Variants in RNF216 observed in about 807,000 individuals in gnomAD.
The protein encoded by RNF216 is ring finger protein 216.
In RNF216, 72 loss-of-function variants were observed where a neutral mutation model predicts 110.8. That is an observed-to-expected ratio of 0.65 (90% confidence interval 0.54 to 0.79). The LOEUF (loss-of-function observed/expected upper bound fraction) is 0.79, where lower values mean the gene tolerates loss of function less well. Ranked by LOEUF, RNF216 falls within the 30% of genes least tolerant of loss-of-function variation. The pLI is 0.00. For missense variants in RNF216, 1,342 were observed against 1,141.2 expected (o/e 1.18, Z -2.54); for synonymous variants, 495 against 407.5 (o/e 1.21, Z -2.59).
At chr7:5,723,390 T>C (rs1793555900) in intron 8 of RNF216, among the ~76,000 whole-genome samples, 1 of 152,182 alleles carries the variant, frequency 6.6e-6, no homozygotes, top group African/African-American at 2.4e-5. Context: ...GGCTCAAGCC[T>C]GTAATCTCGC....
chr7:5,739,686 C>T (rs1003454463), intron 4 of RNF216: 1 of 468,088 alleles, frequency 2.1e-6, no homozygotes, highest in Non-Finnish European at 4.3e-6. Flanking sequence ...TCAAGCAGCA[C>T]ACAACCTAGT....
At chr7:5,714,063 T>C (rs1792887598) in intron 11 of RNF216, among the ~76,000 whole-genome samples, 1 of 151,980 alleles carries the variant, frequency 6.6e-6, no homozygotes, top group South Asian at 2.1e-4. Context: ...AGTGCAGTGG[T>C]GCGATCTCAG....
intron 2 of RNF216, 63 bp downstream of exon 2, chr7:5,760,940 A>G: frequency 8.0e-7 from 1 of 1,243,108 alleles, no homozygotes; most frequent in Non-Finnish European, 1.2e-6. Flanking sequence ...TTCAAAAGAT[A>G]CAGCTGTGAT....
Position 5,741,461 on chromosome 7 carries a change from G to C in RNF216, c.556C>G (p.Leu186Val), listed in dbSNP as rs778427445. ...QKVIILEEGS[L>V]LYTESDPLET... ...AAAGGATCGCTTTCTGTGTAAAGAA[G>C]GCTACCTTCTTCCAAGATGATGACT... is the stretch of plus-strand genomic sequence containing the variant. The change falls in exon 4 of 17, where the codon CTT (leucine) becomes GTT (valine). Residue 186 changes from leucine (L) to valine (V), a missense_variant. Coordinates refer to ENST00000389902, the MANE Select transcript of RNF216 (RefSeq NM_207111.4). 9.9e-6 allele frequency: 16 copies of C among 1,614,072 alleles called. No individual in the cohort carries two copies. In the Admixed American group the frequency reaches 2.7e-4, roughly 27 times the overall value.
At chr7:5,709,858 G>C (rs187321602) in intron 13 of RNF216, among the ~76,000 whole-genome samples, 1 of 152,302 alleles carries the variant, frequency 6.6e-6, no homozygotes, top group Non-Finnish European at 1.5e-5. Context: ...GGGCTCAACT[G>C]ATTGTCCTGC....
At chr7:5,759,710 C>G (rs1488111740) in intron 2 of RNF216, among the ~76,000 whole-genome samples, 1 of 149,458 alleles carries the variant, frequency 6.7e-6, no homozygotes, top group Non-Finnish European at 1.5e-5. Flanking sequence ...CAGCTCACTA[C>G]AACCTCTGCC....
At chr7:5,774,510 A>G (rs1475436347) in intron 1 of RNF216, among the ~76,000 whole-genome samples, 2 of 152,258 alleles carry the variant, frequency 1.3e-5, no homozygotes, top group African/African-American at 4.8e-5. Flanking sequence ...ATGAAGTTTT[A>G]GCACAGTGCC....
chr7:5,644,827 CTTTTT>C (rs59440013), intron 14 of RNF216, among the ~76,000 whole-genome samples: 3 of 135,940 alleles, frequency 2.2e-5, no homozygotes, highest in African/African-American at 8.4e-5. Context: ...TTCTTTTTTT[CTTTTT>C]TTTTTTTTTT....
intron 13 of RNF216, among the ~76,000 whole-genome samples, chr7:5,704,972 C>G (rs764452328): frequency 5.9e-5 from 9 of 152,172 alleles, no homozygotes; most frequent in Non-Finnish European, 7.3e-5. Context: ...CACTGCAAAA[C>G]GTTGCTGAGG....
At chr7:5,701,029 A>C (rs1791933079) in intron 13 of RNF216, among the ~76,000 whole-genome samples, 1 of 152,096 alleles carries the variant, frequency 6.6e-6, no homozygotes, top group South Asian at 2.1e-4. Flanking sequence ...AGGAGTAAGA[A>C]ATCAACATGA....
chr7:5,700,364 G>A (rs1791886035), intron 13 of RNF216, among the ~76,000 whole-genome samples: 1 of 152,110 alleles, frequency 6.6e-6, no homozygotes, highest in Admixed American at 6.6e-5. Flanking sequence ...CAAAAAGGAG[G>A]TAAAACATTT....
rs1035922269 is a variant in RNF216 at position 5,769,406 on chromosome 7, G to A, written c.-69-8268C>T. 3.1e-4 allele frequency among the ~76,000 whole-genome samples: 46 copies of A among 148,036 alleles called. 1 individual carries two copies. The highest frequency in any genetic ancestry group is 8.1e-4 in the Admixed American group (12 of 14,780). On this transcript the variant is annotated intron_variant, in intron 1 of 16. Transcript: ENST00000389902. ...GTTGGGATTACAGGCGTGAGCCACC[G>A]CGCCTGGCCGCAAATGCCTTATTTT...
chr7:5,660,848 A>G (rs1337002933), intron 13 of RNF216, among the ~76,000 whole-genome samples: 1 of 146,010 alleles, frequency 6.8e-6, no homozygotes, highest in Non-Finnish European at 1.5e-5. Context: ...GGGATTACTG[A>G]TGTGAGCCAC....
intron 1 of RNF216, among the ~76,000 whole-genome samples, chr7:5,771,431 C>T (rs569852374): frequency 6.6e-6 from 1 of 152,150 alleles, no homozygotes; most frequent in Non-Finnish European, 1.5e-5. Flanking sequence ...TGTCTACTCA[C>T]CAAAGAAATT....
chr7:5,657,939 A>G (rs1788849105), intron 13 of RNF216, among the ~76,000 whole-genome samples: 1 of 152,234 alleles, frequency 6.6e-6, no homozygotes, highest in South Asian at 2.1e-4. Flanking sequence ...AATGCACATA[A>G]CAGCCGAAGA....
chr7:5,734,292 T>C (rs891550641), intron 5 of RNF216, among the ~76,000 whole-genome samples: 26 of 152,188 alleles, frequency 1.7e-4, no homozygotes, highest in African/African-American at 6.3e-4. Context: ...TAAACTGTGG[T>C]TCTACCCTAC....
chr7:5,634,516 G>C (rs935617238), intron 15 of RNF216, among the ~76,000 whole-genome samples: 19 of 152,232 alleles, frequency 1.2e-4, no homozygotes, highest in African/African-American at 4.3e-4. Flanking sequence ...GAGCAGCAGA[G>C]CTTGGAGTGG....
At chr7:5,772,705 G>C (rs943152100) in intron 1 of RNF216, among the ~76,000 whole-genome samples, 1 of 151,154 alleles carries the variant, frequency 6.6e-6, no homozygotes, top group Non-Finnish European at 1.5e-5. Flanking sequence ...AAAATATACA[G>C]ATATCAAAAC....
At chr7:5,771,121 T>C (rs541388787) in intron 1 of RNF216, among the ~76,000 whole-genome samples, 3 of 152,300 alleles carry the variant, frequency 2.0e-5, no homozygotes, top group Admixed American at 6.5e-5. Flanking sequence ...TTCAGTCTTA[T>C]ATGAATGTTT....
Sources: allele counts gnomAD v4.1 joint callset (sites outside exome capture counted in the v4.1 genomes callset), GRCh38; gene constraint gnomAD v4.1.1; transcripts MANE v1.5; gene names NCBI Gene and HGNC (gene_info 2026-07-23, HGNC 2026-07-21).